The following KCTD5 variants were observed in gnomAD, a reference collection of about 807,000 sequenced individuals.
The protein encoded by KCTD5 is potassium channel tetramerization domain containing 5, also known as BTB/POZ domain-containing protein KCTD5.
A neutral mutation model predicts 27.9 loss-of-function variants in KCTD5; 12 were observed. That is an observed-to-expected ratio of 0.43 (90% CI 0.28 to 0.70). The LOEUF is 0.70. Ranked by LOEUF, KCTD5 falls within the 30% of genes least tolerant of loss-of-function variation. KCTD5 has a pLI of 0.19. For synonymous variants in KCTD5, 147 were observed against 121.4 expected (o/e 1.21, Z -1.39); for missense variants, 226 against 274.8 (o/e 0.82, Z 1.26).
chr16:2,702,669 C>T (rs1258816798), intron 5 of KCTD5, among the ~76,000 whole-genome samples, 191 bp downstream of exon 5: 10 of 152,346 alleles, frequency 6.6e-5, no homozygotes, highest in Middle Eastern at 6.8e-3. Flanking sequence ...TAAGCCCCTG[C>T]GGCCTCCCAG....
rs2067548118 is a variant in KCTD5, at chr16:2,688,008, G to C, written c.252+5208G>C. On this transcript the variant is annotated intron_variant, in intron 1 of 5. Coordinates refer to ENST00000301738, the MANE Select transcript of KCTD5 (RefSeq NM_018992.4). ...CCTGGGTTGGAATCTGCCCACCTCTGGCCTGCCTTATGACTTGGGGTGATT... is the reference window on the plus strand; with the variant it reads ...CCTGGGTTGGAATCTGCCCACCTCTCGCCTGCCTTATGACTTGGGGTGATT... 2.6e-5 allele frequency among the ~76,000 whole-genome samples: 4 copies of C among 151,794 alleles called. No individual in the cohort carries two copies. The South Asian group carries it at 8.3e-4, about 32-fold the overall frequency.
At chr16:2,701,856 C>T (rs906777797) in intron 4 of KCTD5, among the ~76,000 whole-genome samples, 1 of 152,202 alleles carries the variant, frequency 6.6e-6, no homozygotes, top group African/African-American at 2.4e-5. Context: ...CCTGGTGACC[C>T]GGAGGGAGGC....
chr16:2,705,197 A>G (rs1381343619), intron 5 of KCTD5, among the ~76,000 whole-genome samples: 1 of 152,102 alleles, frequency 6.6e-6, no homozygotes, highest in Non-Finnish European at 1.5e-5. Context: ...TGTCATGGTG[A>G]GCTCCGTGGC....
intron 1 of KCTD5, among the ~76,000 whole-genome samples, chr16:2,689,859 A>G (rs1290368130): frequency 1.3e-5 from 2 of 152,176 alleles, no homozygotes; most frequent in African/African-American, 2.4e-5. Context: ...TATTTTTAGT[A>G]GAGACAGGGT....
chr16:2,702,519 G>C, intron 5 of KCTD5, 41 bp downstream of exon 5: 1 of 1,604,220 alleles, frequency 6.2e-7, no homozygotes, highest in South Asian at 1.1e-5. Flanking sequence ...AGTCTTGGGT[G>C]GGGAAGGCTC....
At chr16:2,700,694 C>G (rs1029288908) in intron 4 of KCTD5, among the ~76,000 whole-genome samples, 1 of 152,156 alleles carries the variant, frequency 6.6e-6, no homozygotes, top group Non-Finnish European at 1.5e-5. Flanking sequence ...TGGCCCAGTG[C>G]GCCTGCCAGG....
intron 5 of KCTD5, among the ~76,000 whole-genome samples, chr16:2,705,827 C>T (rs957329341): frequency 1.3e-5 from 2 of 152,224 alleles, no homozygotes; most frequent in African/African-American, 2.4e-5. Context: ...GCCCGTGCTG[C>T]TCCCGGCCTT....
At chr16:2,703,108 G>A (rs2067620067) in intron 5 of KCTD5, among the ~76,000 whole-genome samples, 1 of 152,206 alleles carries the variant, frequency 6.6e-6, no homozygotes, top group Admixed American at 6.5e-5. Flanking sequence ...AGGCAGCTGG[G>A]GTGAAATGCA....
At position 2,699,865 on chromosome 16, in the gene KCTD5, G is replaced by A. The variant is rs774412699; in HGVS notation, c.498G>A (p.Glu166=). 6.2e-7 allele frequency: 1 copy of A among 1,613,976 alleles called. No homozygotes were observed. The highest frequency in any genetic ancestry group is 8.5e-7 in the Non-Finnish European group (1 of 1,179,978). ...HVYRVLQCQE[E]ELTQMVSTMS... ...ACCGTGTGCTGCAGTGCCAGGAGGAGGAGCTCACGCAGATGGTGTCCACCA... is the reference window on the plus strand; with the variant it reads ...ACCGTGTGCTGCAGTGCCAGGAGGAAGAGCTCACGCAGATGGTGTCCACCA... The change falls in exon 4 of 6, where the codon GAG becomes GAA. Residue 166 remains glutamate, a synonymous_variant. Coordinates refer to ENST00000301738, the MANE Select transcript of KCTD5 (RefSeq NM_018992.4).
chr16:2,702,378 A>G lies in KCTD5; in HGVS notation c.575A>G (p.Asn192Ser), dbSNP rs933129928. 2 of 1,613,242 alleles carry G rather than the reference A, an allele frequency of 1.2e-6. No individual in the cohort carries two copies. Among genetic ancestry groups the G allele is most frequent in the East Asian group, 2.2e-5 (1 of 44,856 alleles). ...TTGGTCAGCATCGGCTCCTCTTACAACTATGGGAACGAAGACCAAGCCGAG... is the reference window on the plus strand; with the variant it reads ...TTGGTCAGCATCGGCTCCTCTTACAGCTATGGGAACGAAGACCAAGCCGAG... ...EQLVSIGSSY[N>S]YGNEDQAEFL... Residue 192 changes from asparagine (N) to serine (S), a missense_variant, in exon 5 of 6, where the codon AAC becomes AGC. This residue lies in a region of KCTD5 where 135 missense variants were observed against 207.0 expected (regional missense o/e 0.65). Transcript: ENST00000301738.
intron 4 of KCTD5, among the ~76,000 whole-genome samples, chr16:2,701,807 A>G (rs2067613211): frequency 6.6e-6 from 1 of 152,198 alleles, no homozygotes; most frequent in South Asian, 2.1e-4. Flanking sequence ...GCCTGGCCAG[A>G]GAGACAGGTT....
At chr16:2,692,035 G>A (rs545238713) in intron 1 of KCTD5, among the ~76,000 whole-genome samples, 1 of 152,294 alleles carries the variant, frequency 6.6e-6, no homozygotes, top group East Asian at 1.9e-4. Flanking sequence ...CTGAGCTCCA[G>A]GGACTGAGAC....
rs1260367085 is a variant in KCTD5, at chr16:2,708,725, T to C, written c.*1398T>C. ...TTGTTAAATGTTTGGCTTAAACAAT[T>C]TATAAAAGCCTTTCTAGAAGGCAGA... On this transcript the variant is annotated 3_prime_UTR_variant, in exon 6 of 6. Coordinates refer to ENST00000301738, the MANE Select transcript of KCTD5 (RefSeq NM_018992.4). 6.6e-6 allele frequency: 1 copy of C among 152,224 alleles called. No individual in the cohort carries two copies. The highest frequency in any genetic ancestry group is 1.9e-4 in the East Asian group (1 of 5,190). 9.4% of individuals were successfully genotyped at this position (152,224 alleles called of 1,614,324 possible). A position where few individuals can be genotyped will look rare whatever the true frequency, so the allele number is the denominator to read the frequency against.
intron 4 of KCTD5, among the ~76,000 whole-genome samples, chr16:2,700,246 C>T (rs1259387186): frequency 6.6e-6 from 1 of 152,242 alleles, no homozygotes; most frequent in African/African-American, 2.4e-5. Context: ...CCTGGCCAGC[C>T]CACTATCCAG....
intron 1 of KCTD5, among the ~76,000 whole-genome samples, chr16:2,691,918 A>T (rs1422078298): frequency 6.6e-6 from 1 of 152,078 alleles, no homozygotes; most frequent in East Asian, 1.9e-4. Context: ...GAGCACAGGG[A>T]TGGGCTGGAG....
At chr16:2,684,939 A>G (rs2067534276) in intron 1 of KCTD5, among the ~76,000 whole-genome samples, 1 of 152,204 alleles carries the variant, frequency 6.6e-6, no homozygotes, top group South Asian at 2.1e-4. Context: ...CTCTGTCTCA[A>G]ACAAACAAAA....
rs940319427 is a variant in KCTD5, at chr16:2,707,777, G to A, written c.*450G>A. On this transcript the variant is annotated 3_prime_UTR_variant, in exon 6 of 6. Coordinates refer to ENST00000301738, the MANE Select transcript of KCTD5 (RefSeq NM_018992.4). ...GGTCCGACCACCAGGCCCTAGTCTC[G>A]GTCAGGGAGTCTGCTCTGCCTCCCA... 1.6e-5 allele frequency: 5 copies of A among 311,910 alleles called. No individual in the cohort carries two copies. Among genetic ancestry groups the A allele is most frequent in the East Asian group, 1.1e-4 (2 of 18,606 alleles). 19.3% of individuals were successfully genotyped at this position (311,910 alleles called of 1,614,324 possible). A position where few individuals can be genotyped will look rare whatever the true frequency, so the allele number is the denominator to read the frequency against.
chr16:2,706,704 G>A (rs2067637932), intron 5 of KCTD5, among the ~76,000 whole-genome samples: 1 of 151,998 alleles, frequency 6.6e-6, no homozygotes, highest in Non-Finnish European at 1.5e-5. Context: ...GGGCTCTGCA[G>A]GGCTGACGTG....
At chr16:2,702,207 G>A in intron 4 of KCTD5, 146 bp from the exon 5 acceptor site, 3 of 1,037,898 alleles carry the variant, frequency 2.9e-6, no homozygotes, top group Non-Finnish European at 2.8e-6. Flanking sequence ...GTGTTCCGGG[G>A]ATTTGTTTTC....
Sources: gnomAD v4.1 joint callset for allele counts (sites outside exome capture counted in the v4.1 genomes callset) on GRCh38, gnomAD v4.1.1 for gene constraint, gnomAD v4.1.1 regional missense constraint, MANE v1.5 for transcripts, NCBI Gene and HGNC (gene_info 2026-07-23, HGNC 2026-07-21) for gene names.